Variants in PCDHGA8 observed in about 807,000 individuals in gnomAD.
PCDHGA8 encodes the protein protocadherin gamma subfamily A, 8.
A neutral mutation model predicts 59.2 loss-of-function variants in PCDHGA8; 45 were observed. The ratio of observed to expected loss-of-function variants is 0.76; its 90% confidence interval spans 0.60 to 0.98. The LOEUF is 0.98. Ranked by LOEUF, PCDHGA8 falls within the 50% of genes least tolerant of loss-of-function variation. The probability of loss-of-function intolerance (pLI) is 0.00; values close to 1 mark genes in which losing one functional copy is unlikely to be tolerated. For synonymous variants in PCDHGA8, 531 were observed against 519.0 expected, an observed-to-expected ratio of 1.02 and a Z score of -0.32; for missense variants, 1,257 against 1,196.2, an observed-to-expected ratio of 1.05 and a Z score of -0.75.
chr5:141,411,515 T>A (rs1381474249), intron 1 of PCDHGA8: 1 of 151,910 alleles, frequency 6.6e-6, no homozygotes, highest in East Asian at 1.9e-4. Flanking sequence ...TCCTGGGAGG[T>A]CAAGGTTGCA....
chr5:141,408,058 G>A, intron 1 of PCDHGA8: 1 of 1,316,270 alleles, frequency 7.6e-7, no homozygotes. Flanking sequence ...GAGCCTCCCG[G>A]CTGCGCAGAC....
At chr5:141,398,742 G>GAGT (rs2093697710) in intron 1 of PCDHGA8, 1 of 1,613,726 alleles carries the variant, frequency 6.2e-7, no homozygotes, top group Non-Finnish European at 8.5e-7. Flanking sequence ...GGGAACAACA[G>GAGT]AGTTACCATC....
chr5:141,424,140 C>A, intron 1 of PCDHGA8: 1 of 356,082 alleles, frequency 2.8e-6, no homozygotes, highest in Non-Finnish European at 4.1e-6. Flanking sequence ...TAATAGCATG[C>A]TCCCTCTAGC....
chr5:141,403,953 T>C, intron 1 of PCDHGA8: 1 of 1,613,860 alleles, frequency 6.2e-7, no homozygotes, highest in South Asian at 1.1e-5. Flanking sequence ...ACAAAAGTGC[T>C]CATTTCGGTG....
chr5:141,485,214 G>T lies in PCDHGA8; in HGVS notation c.2425-9593G>T. 6.2e-7 allele frequency: 1 copy of T among 1,614,164 alleles called. No individual in the cohort carries two copies. The highest frequency in any genetic ancestry group is 8.5e-7 in the Non-Finnish European group (1 of 1,179,996). On this transcript the variant is annotated intron_variant, in intron 1 of 3. Transcript: ENST00000398604. This position sits in a 1 kb window ranked among gnomAD's most constrained non-coding sequence, Gnocchi z 5.7. ...AGAAGCTGGACAGAAATCTGGCGGT[G>T]GGCTACCCTTTTGTTCCTCTTTTAC...
chr5:141,501,439 C>G (rs1245306644), intron 2 of PCDHGA8, among the ~76,000 whole-genome samples: 1 of 151,978 alleles, frequency 6.6e-6, no homozygotes, highest in Non-Finnish European at 1.5e-5. Context: ...TCCATTTCTT[C>G]CATTTTTACT....
At chr5:141,398,892 G>A in intron 1 of PCDHGA8, 5 of 1,613,916 alleles carry the variant, frequency 3.1e-6, no homozygotes, top group Non-Finnish European at 4.2e-6. Context: ...GGGAAAACGT[G>A]CCACCAGGCA....
intron 2 of PCDHGA8, among the ~76,000 whole-genome samples, chr5:141,503,239 C>G (rs1364808315): frequency 6.6e-6 from 1 of 152,088 alleles, no homozygotes; most frequent in Non-Finnish European, 1.5e-5. Flanking sequence ...TGGACAGTTT[C>G]TATCATACTC....
chr5:141,396,611 C>T (rs1310113508), intron 1 of PCDHGA8: 1 of 150,986 alleles, frequency 6.6e-6, no homozygotes, highest in Non-Finnish European at 1.5e-5. Flanking sequence ...CAGGGTGAGA[C>T]TCCGTCTCAA....
chr5:141,481,736 G>A (rs569415213), intron 1 of PCDHGA8, among the ~76,000 whole-genome samples: 23 of 151,934 alleles, frequency 1.5e-4, no homozygotes, highest in African/African-American at 4.3e-4. Flanking sequence ...GGCGGATCAC[G>A]AGGTCAGGAG....
chr5:141,453,101 T>TTTTTGTTTTG (rs879618609), intron 1 of PCDHGA8, among the ~76,000 whole-genome samples: 1 of 152,012 alleles, frequency 6.6e-6, no homozygotes, highest in Non-Finnish European at 1.5e-5. Flanking sequence ...TTCTGTTGCT[T>TTTTTGTTTTG]TTTTGTTTTG....
In PCDHGA8 at chr5:141,432,115, C is replaced by G. The variant is rs753088299; in HGVS notation, c.2424+36878C>G. On this transcript the variant is annotated intron_variant, in intron 1 of 3. Transcript: ENST00000398604. This position sits in a 1 kb window ranked among gnomAD's most constrained non-coding sequence, Gnocchi z 6.0. ...ACACCAACGACAACCCGCCGGTCTT[C>G]CCTCAGGCCTCCTATTCCGCTTATA... The G allele has an allele frequency of 1.2e-5, 20 of 1,614,178 alleles. No individual in the cohort carries two copies. Among genetic ancestry groups the G allele is most frequent in the Non-Finnish European group, 1.6e-5 (19 of 1,180,050 alleles).
In PCDHGA8 at chr5:141,489,185, T is replaced by G; in HGVS notation, c.2425-5622T>G. The G allele has an allele frequency of 7.8e-7, 1 of 1,286,838 alleles. No individual in the cohort carries two copies. The highest frequency in any genetic ancestry group is 1.5e-5 in the African/African-American group (1 of 67,216). 79.7% of individuals were successfully genotyped at this position (1,286,838 alleles called of 1,614,324 possible). On this transcript the variant is annotated intron_variant, in intron 1 of 3. Transcript: ENST00000398604. The surrounding 1 kb of genome is among the most constrained non-coding windows in gnomAD (Gnocchi z 4.5). The stretch of plus-strand genomic sequence containing the variant: ...CAGCTGCTGCATTCCAAGCCCTGGG[T>G]CTACCTTGGAGACAGGACAGCACAG...
Position 141,395,195 on chromosome 5 carries a change from C to T in PCDHGA8, c.2382C>T (p.Ser794=), listed in dbSNP as rs1317395472. ...AGAAAAATGATTCTTTGTTAACATC[C>T]GTAGATTTTCATGAATATAAGAATG... ...GCEKNDSLLT[S]VDFHEYKNEA... is the part of the protein sequence containing the mutation. Residue 794 remains serine, a synonymous_variant, in exon 1 of 4, where the codon TCC becomes TCT. Coordinates refer to ENST00000398604, the MANE Select transcript of PCDHGA8 (RefSeq NM_032088.2). 6.2e-7 allele frequency: 1 copy of T among 1,613,760 alleles called. No homozygotes were observed. The highest frequency in any genetic ancestry group is 1.7e-5 in the Admixed American group (1 of 59,984).
Position 141,489,363 on chromosome 5 carries a change from G to A in PCDHGA8, c.2425-5444G>A, listed in dbSNP as rs767837736. On this transcript the variant is annotated intron_variant, in intron 1 of 3. Transcript: ENST00000398604. This position sits in a 1 kb window ranked among gnomAD's most constrained non-coding sequence, Gnocchi z 4.5. ...ACTCAGTGGTGGAGGAGTCTGAGCC[G>A]GGGACGCTGGTGGGGAATGTTGCTC... 46 of 1,613,114 alleles carry A rather than the reference G, an allele frequency of 2.9e-5. 1 individual carries two copies. In the South Asian group the frequency reaches 3.4e-4, roughly 12 times the overall value.
chr5:141,394,998 G>C lies in PCDHGA8; in HGVS notation c.2185G>C (p.Gly729Arg). Residue 729 changes from glycine (G) to arginine (R), a missense_variant, in exon 1 of 4, where the codon GGT becomes CGT. Transcript: ENST00000398604. ...CAAGTCACGCCTGCTCCAGGATTCC[G>C]GTGGCAGATTGGTAGGCGTGCCTGC... is the stretch of plus-strand genomic sequence containing the variant. ...WHKSRLLQDS[G>R]GRLVGVPASH... is the part of the protein sequence containing the mutation. 2.5e-6 allele frequency: 4 copies of C among 1,614,010 alleles called. No homozygotes were observed. Among genetic ancestry groups the C allele is most frequent in the Non-Finnish European group, 3.4e-6 (4 of 1,179,922 alleles).
Position 141,489,381 on chromosome 5 carries a change from T to C in PCDHGA8, c.2425-5426T>C. 3 of 1,613,894 alleles carry C rather than the reference T, an allele frequency of 1.9e-6. No individual in the cohort carries two copies. The highest frequency in any genetic ancestry group is 2.5e-6 in the Non-Finnish European group (3 of 1,179,802). On this transcript the variant is annotated intron_variant, in intron 1 of 3. Coordinates refer to ENST00000398604, the MANE Select transcript of PCDHGA8 (RefSeq NM_032088.2). The surrounding 1 kb of genome is among the most constrained non-coding windows in gnomAD (Gnocchi z 4.5). ...CTGAGCCGGGGACGCTGGTGGGGAA[T>C]GTTGCTCAGGATCTGGGCTTAAAGA...
At chr5:141,440,221 C>A (rs557068282) in intron 1 of PCDHGA8, 2 of 152,450 alleles carry the variant, frequency 1.3e-5, no homozygotes, top group Admixed American at 6.5e-5. Context: ...GTAATCCCAG[C>A]ACTTTGGGAG....
Position 141,432,014 on chromosome 5 carries a change from AACATC to A in PCDHGA8, c.2424+36781_2424+36785del. ...GGATAGGGAACAGGTTCCTAGCTAC[AACATC>A]ACAGTGACCGCCACTGACCGGGGAA... On this transcript the variant is annotated intron_variant, in intron 1 of 3. Transcript: ENST00000398604. This position sits in a 1 kb window ranked among gnomAD's most constrained non-coding sequence, Gnocchi z 6.0. 6.2e-7 allele frequency: 1 copy of A among 1,614,078 alleles called. No individual in the cohort carries two copies. The highest frequency in any genetic ancestry group is 8.5e-7 in the Non-Finnish European group (1 of 1,180,036).
Sources: allele counts gnomAD v4.1 joint callset (sites outside exome capture counted in the v4.1 genomes callset), GRCh38; gene constraint gnomAD v4.1.1; non-coding constraint Gnocchi (gnomAD v3.1); transcripts MANE v1.5; gene names NCBI Gene and HGNC (gene_info 2026-07-23, HGNC 2026-07-21).